The following ZNF454 variants were observed in gnomAD, a reference collection of about 807,000 sequenced individuals.
The protein encoded by ZNF454 is zinc finger protein 454.
In ZNF454, 30 loss-of-function variants were observed where a neutral mutation model predicts 48.2. The observed-to-expected ratio is 0.62, with a 90% CI of 0.47 to 0.84. The LOEUF is 0.84. Among genes scored for constraint, ZNF454 ranks in the 40% least tolerant of loss-of-function variants. The pLI, the probability that ZNF454 is intolerant of heterozygous loss-of-function variation, is 0.00. For synonymous variants in ZNF454, 204 were observed against 211.4 expected (o/e 0.97, Z 0.30); for missense variants, 510 against 623.1 (o/e 0.82, Z 1.93).
chr5:178,982,906 T>A, the ZNF454 span: 1 of 1,611,012 alleles, frequency 6.2e-7, no homozygotes, highest in Non-Finnish European at 8.5e-7. Context: ...GGGGACCTCA[T>A]TACCTTTTCA....
At chr5:178,970,082 G>C (rs1324624493), downstream of ZNF454, among the ~76,000 whole-genome samples, 1 of 152,160 alleles carries the variant, frequency 6.6e-6, no homozygotes, top group African/African-American at 2.4e-5. Flanking sequence ...AGCAGACTCA[G>C]GCTTCCAGGT....
chr5:178,947,672 GGGCAGT>G (rs1185085055), intron 4 of ZNF454, among the ~76,000 whole-genome samples: 6 of 152,140 alleles, frequency 3.9e-5, no homozygotes, highest in Non-Finnish European at 8.8e-5. Context: ...GGTGGCTTAA[GGGCAGT>G]GGTGTGTTTT....
At position 178,965,705 on chromosome 5, in the gene ZNF454, A is replaced by G; in HGVS notation, c.1301A>G (p.His434Arg). 6.2e-7 allele frequency: 1 copy of G among 1,614,218 alleles called. No homozygotes were observed. The highest frequency in any genetic ancestry group is 8.5e-7 in the Non-Finnish European group (1 of 1,180,042). The change falls in exon 5 of 5, where the codon CAT (histidine) becomes CGT (arginine). Residue 434 changes from histidine (H) to arginine (R), a missense_variant. Around this residue, in one of 3 missense-constraint regions of ZNF454, gnomAD observed 153 missense variants for 195.8 expected, o/e 0.78. Coordinates refer to ENST00000519564, the MANE Select transcript of ZNF454 (RefSeq NM_001178089.3). This position sits in a 1 kb window ranked among gnomAD's most constrained non-coding sequence, Gnocchi z 5.2. The part of the protein sequence containing the change: ...QSALAQHQRI[H>R]TGEKPYTCNI... ...GCACTAGCCCAACATCAGAGAATTC[A>G]TACTGGGGAAAAACCTTATACATGT...
At chr5:178,978,153 A>G in the ZNF454 span, among the ~76,000 whole-genome samples, 2 of 152,230 alleles carry the variant, frequency 1.3e-5, no homozygotes, top group Non-Finnish European at 2.9e-5. Context: ...TTTAGTTTGG[A>G]ATTTTTCACG....
At chr5:178,981,396 G>A in the ZNF454 span, 1 of 516,216 alleles carries the variant, frequency 1.9e-6, no homozygotes, top group Non-Finnish European at 3.5e-6. This position sits in a 1 kb window ranked among gnomAD's most constrained non-coding sequence, Gnocchi z 5.1. Flanking sequence ...CCTTTCTAGA[G>A]CTAGAACCTT....
Position 178,941,728 on chromosome 5 carries a change from C to T in ZNF454, c.-108+284C>T, listed in dbSNP as rs1581851657. ...GCGAAGCGGCAGGGGCGGGACGGGG[C>T]TGTGTGTGATTAGGGTTCCTAACCC... On this transcript the variant is annotated intron_variant, in intron 1 of 4. Transcript: ENST00000519564. This position sits in a 1 kb window ranked among gnomAD's most constrained non-coding sequence, Gnocchi z 5.5. Among the ~76,000 whole-genome samples, 1 of 152,172 alleles carries T rather than the reference C, an allele frequency of 6.6e-6. No homozygotes were observed. The highest frequency in any genetic ancestry group is 1.5e-5 in the Non-Finnish European group (1 of 68,028).
chr5:178,973,300 T>C, the ZNF454 span, among the ~76,000 whole-genome samples: 2 of 152,196 alleles, frequency 1.3e-5, no homozygotes, highest in Admixed American at 6.5e-5. Flanking sequence ...TTGGGCTTTG[T>C]ATTTCAAATT....
At chr5:178,989,240 C>T in the ZNF454 span, 1 of 1,515,726 alleles carries the variant, frequency 6.6e-7, no homozygotes, top group South Asian at 1.1e-5. Flanking sequence ...CCCTCCCCAC[C>T]CTCACCACCC....
Position 178,942,841 on chromosome 5 carries a change from T to C in ZNF454, c.33+17T>C. ...ATGGTCCAGGTGAGTGGGGGTTTCT[T>C]CCCCCTAAATTGCTTTCTGGATTTG... On this transcript the variant is annotated intron_variant, in intron 2 of 4. Coordinates refer to ENST00000519564, the MANE Select transcript of ZNF454 (RefSeq NM_001178089.3). 6.2e-7 allele frequency: 1 copy of C among 1,608,932 alleles called. No homozygotes were observed. Among genetic ancestry groups the C allele is most frequent in the South Asian group, 1.1e-5 (1 of 90,212 alleles).
At chr5:178,963,598 A>T in intron 4 of ZNF454, among the ~76,000 whole-genome samples, 1 of 151,606 alleles carries the variant, frequency 6.6e-6, no homozygotes, top group Non-Finnish European at 1.5e-5. Flanking sequence ...CCTTAGTTTT[A>T]CATTTTAGGC....
downstream of ZNF454, among the ~76,000 whole-genome samples, chr5:178,967,808 C>T (rs1321419975): frequency 2.1e-5 from 3 of 140,560 alleles, no homozygotes; most frequent in East Asian, 2.2e-4. Flanking sequence ...GGTGTGATCT[C>T]GGCTCACTGT....
chr5:178,988,953 G>T, the ZNF454 span: 1 of 1,613,264 alleles, frequency 6.2e-7, no homozygotes, highest in Non-Finnish European at 8.5e-7. The surrounding 1 kb of genome is among the most constrained non-coding windows in gnomAD (Gnocchi z 6.0). Context: ...CGGACAGCTC[G>T]AATGTACTGC....
the ZNF454 span, chr5:178,981,862 A>G: frequency 1.3e-6 from 2 of 1,584,594 alleles, no homozygotes; most frequent in Admixed American, 1.7e-5. The surrounding 1 kb of genome is among the most constrained non-coding windows in gnomAD (Gnocchi z 5.1). Context: ...GATCTAGGCC[A>G]TGGAAGAGGG....
downstream of ZNF454, among the ~76,000 whole-genome samples, chr5:178,970,345 C>A (rs1424833964): frequency 1.3e-5 from 2 of 152,170 alleles, no homozygotes; most frequent in African/African-American, 2.4e-5. Context: ...TGGCCCACCT[C>A]AACTCTTGCT....
At chr5:178,967,163 A>G (rs1290540469), downstream of ZNF454, among the ~76,000 whole-genome samples, 2 of 152,122 alleles carry the variant, frequency 1.3e-5, no homozygotes, top group African/African-American at 4.8e-5. Flanking sequence ...TTTACCCTCC[A>G]ATTGTTCTGT....
chr5:178,981,329 C>T, the ZNF454 span: 1 of 300,804 alleles, frequency 3.3e-6, no homozygotes, highest in Non-Finnish European at 6.3e-6. The surrounding 1 kb of genome is among the most constrained non-coding windows in gnomAD (Gnocchi z 5.1). Context: ...GCAAACCAGG[C>T]AAAGCCCAGG....
chr5:178,989,220 A>AAG, the ZNF454 span: 82 of 817,002 alleles, frequency 1.0e-4, no homozygotes, highest in Non-Finnish European at 1.3e-4. Flanking sequence ...CACCCTCACC[A>AAG]CCCTCCCCAC....
At chr5:178,979,856 C>T in the ZNF454 span, 1,265 of 154,300 alleles carry the variant, frequency 8.2e-3, 14 homozygotes, top group African/African-American at 0.029. Flanking sequence ...GGAGAAGAGC[C>T]CTATACAATC....
At chr5:178,945,088 GGT>G in intron 2 of ZNF454, among the ~76,000 whole-genome samples, 1 of 97,140 alleles carries the variant, frequency 1.0e-5, no homozygotes. Flanking sequence ...TTTGTGGGGG[GGT>G]GTGTGTGTTC....
Sources: gnomAD v4.1 joint callset for allele counts (sites outside exome capture counted in the v4.1 genomes callset) on GRCh38, gnomAD v4.1.1 for gene constraint, gnomAD v4.1.1 regional missense constraint, Gnocchi (gnomAD v3.1) non-coding constraint, MANE v1.5 for transcripts, NCBI Gene and HGNC (gene_info 2026-07-23, HGNC 2026-07-21) for gene names.